Variants in C9orf43 observed in about 807,000 individuals in gnomAD.
The protein encoded by C9orf43 is chromosome 9 open reading frame 43.
Under a neutral mutation model 59.1 loss-of-function variants are expected in C9orf43, and 45 were observed. The ratio of observed to expected loss-of-function variants is 0.76; its 90% CI spans 0.60 to 0.98. The LOEUF (loss-of-function observed/expected upper bound fraction) is 0.98, where lower values mean the gene tolerates loss of function less well. Among genes scored for constraint, C9orf43 ranks in the 50% least tolerant of loss-of-function variants. The pLI, the probability that C9orf43 is intolerant of heterozygous loss-of-function variation, is 0.00. For missense variants in C9orf43, 533 were observed against 554.9 expected (o/e 0.96, Z 0.40); for synonymous variants, 203 against 196.8 (o/e 1.03, Z -0.26).
chr9:113,413,408 A>G, intron 1 of C9orf43, 37 bp from the exon 2 acceptor site: 1 of 1,516,396 alleles, frequency 6.6e-7, no homozygotes, highest in African/African-American at 1.4e-5. Flanking sequence ...TGGCTAATGT[A>G]TAATACTCCC....
At chr9:113,411,556 C>T (rs1489771292) in intron 1 of C9orf43, among the ~76,000 whole-genome samples, 2 of 152,178 alleles carry the variant, frequency 1.3e-5, no homozygotes, top group African/African-American at 2.4e-5. Flanking sequence ...GCCTCGGTCT[C>T]CCAAAGTGCA....
rs552179225 is a variant in C9orf43, at chr9:113,414,478, T to G, written c.287+584T>G. On this transcript the variant is annotated intron_variant, in intron 3 of 13. Coordinates refer to ENST00000374165, the MANE Select transcript of C9orf43 (RefSeq NM_001278629.2). ...TTTTTTACTTTTATTAGAGACGAGGTCTTGCTTTGTTGCCTGGGCCGGTCT... is the reference window on the plus strand; with the variant it reads ...TTTTTTACTTTTATTAGAGACGAGGGCTTGCTTTGTTGCCTGGGCCGGTCT... 5.3e-5 allele frequency among the ~76,000 whole-genome samples: 8 copies of G among 150,692 alleles called. No homozygotes were observed. The South Asian group carries it at 1.7e-3, about 32-fold the overall frequency.
chr9:113,419,591 A>G (rs1828493777), intron 4 of C9orf43, among the ~76,000 whole-genome samples: 2 of 152,238 alleles, frequency 1.3e-5, no homozygotes, highest in South Asian at 4.2e-4. Context: ...CAACAAAAAT[A>G]CCATGGAACA....
rs371811171 is a variant in C9orf43, at chr9:113,422,606, C to A, written c.483+21C>A. 2.2e-5 allele frequency: 35 copies of A among 1,613,602 alleles called. No homozygotes were observed. The African/African-American group carries it at 4.3e-4, about 20-fold the overall frequency. On this transcript the variant is annotated intron_variant, in intron 6 of 13. Coordinates refer to ENST00000374165, the MANE Select transcript of C9orf43 (RefSeq NM_001278629.2). ...CAGTGGTGAGTTTGATGTTTTTGTG[C>A]AAACCTTTATAATATTGCTATGTAG... is the stretch of plus-strand genomic sequence containing the variant.
At position 113,413,593 on chromosome 9, in the gene C9orf43, G is replaced by C. The variant is rs892765376; in HGVS notation, c.100G>C (p.Gly34Arg). The C allele has an allele frequency of 1.1e-5, 18 of 1,614,076 alleles. No homozygotes were observed. In the East Asian group the frequency reaches 1.8e-4, roughly 16 times the overall value. ...CWATIRRIER[G>R]HPRILGSSCK... is the part of the protein sequence containing the mutation. ...GGCAACTATCCGCCGCATTGAGAGG[G>C]GCCATCCTCGAATCCTCGGCTCATC... The change falls in exon 2 of 14, where the codon GGC becomes CGC. Residue 34 changes from glycine (G) to arginine (R), a missense_variant. Coordinates refer to ENST00000374165, the MANE Select transcript of C9orf43 (RefSeq NM_001278629.2).
chr9:113,415,875 C>T (rs953148374), intron 3 of C9orf43, among the ~76,000 whole-genome samples: 2 of 152,196 alleles, frequency 1.3e-5, no homozygotes, highest in African/African-American at 4.8e-5. Flanking sequence ...AATGATTTCT[C>T]TTTGGCTAAC....
At chr9:113,423,079 G>T (rs1345221479) in intron 6 of C9orf43, among the ~76,000 whole-genome samples, 1 of 152,140 alleles carries the variant, frequency 6.6e-6, no homozygotes. Flanking sequence ...TTTTTGTTCA[G>T]TTTGTTGAGT....
At chr9:113,424,434 C>T (rs1355472060) in intron 8 of C9orf43, 118 bp downstream of exon 8, 1 of 1,106,382 alleles carries the variant, frequency 9.0e-7, no homozygotes, top group East Asian at 2.5e-5. Flanking sequence ...CCACTCTGAA[C>T]CCATGCCCCA....
At chr9:113,424,764 G>A (rs1204680077) in intron 8 of C9orf43, among the ~76,000 whole-genome samples, 1 of 152,042 alleles carries the variant, frequency 6.6e-6, no homozygotes, top group East Asian at 1.9e-4. Flanking sequence ...GAGCTCAGGT[G>A]ATCTGCCCAC....
intron 3 of C9orf43, among the ~76,000 whole-genome samples, chr9:113,416,208 A>G (rs117674927): frequency 1.8e-4 from 27 of 152,280 alleles, no homozygotes; most frequent in Non-Finnish European, 3.1e-4. Context: ...CCTCGAAGCT[A>G]TTTTACATAT....
chr9:113,426,059 T>C (rs1004694654), intron 11 of C9orf43, among the ~76,000 whole-genome samples: 1 of 152,270 alleles, frequency 6.6e-6, no homozygotes, highest in African/African-American at 2.4e-5. Flanking sequence ...CCCAGGTTAC[T>C]GAAGAGAAAA....
rs1828738450 is a variant in C9orf43 at position 113,425,086 on chromosome 9, CT to C, written c.865+11del. ...AACCTGAAGACAGAAGGTAGATTTG[CT>C]GTTGCTGCTGGATCTCTAAGCACCA... On this transcript the variant is annotated intron_variant, in intron 9 of 13. Transcript: ENST00000374165. 1.2e-6 allele frequency: 2 copies of C among 1,612,144 alleles called. No individual in the cohort carries two copies. Among genetic ancestry groups the C allele is most frequent in the South Asian group, 2.2e-5 (2 of 91,040 alleles).
At chr9:113,418,340 G>A (rs559450429) in intron 3 of C9orf43, among the ~76,000 whole-genome samples, 7 of 152,154 alleles carry the variant, frequency 4.6e-5, no homozygotes, top group Admixed American at 1.3e-4. Context: ...TTTGTGTCTG[G>A]CTTATTTCAC....
At chr9:113,425,142 T>C (rs1828740380) in intron 9 of C9orf43, 66 bp downstream of exon 9, 17 of 1,526,270 alleles carry the variant, frequency 1.1e-5, no homozygotes, top group South Asian at 3.4e-5. Flanking sequence ...TCTCATACTT[T>C]AACGTGGTCC....
chr9:113,411,778 A>G (rs879420423), intron 1 of C9orf43, among the ~76,000 whole-genome samples: 27 of 152,240 alleles, frequency 1.8e-4, no homozygotes, highest in Admixed American at 3.9e-4. Context: ...TCCCTGGCTC[A>G]GGTGGTCCTC....
chr9:113,422,734 C>A, intron 6 of C9orf43, 149 bp downstream of exon 6: 4 of 877,372 alleles, frequency 4.6e-6, no homozygotes, highest in Non-Finnish European at 6.8e-6. Context: ...AATAATTAAC[C>A]AAACCATTCT....
chr9:113,419,076 T>C, intron 3 of C9orf43, 32 bp from the exon 4 acceptor site: 1 of 1,569,202 alleles, frequency 6.4e-7, no homozygotes, highest in Non-Finnish European at 8.7e-7. Flanking sequence ...GTCTTTTGTA[T>C]TTCTGTTTTA....
rs772767522 is a variant in C9orf43, at chr9:113,421,140, G to T, written c.383G>T (p.Cys128Phe). The T allele has an allele frequency of 5.6e-6, 9 of 1,613,610 alleles. No individual in the cohort carries two copies. The East Asian group carries it at 1.8e-4, about 32-fold the overall frequency. The change falls in exon 5 of 14, where the codon TGC becomes TTC. Residue 128 changes from cysteine to phenylalanine, a missense_variant. By Grantham distance (205) the Cys-to-Phe change is radical. Coordinates refer to ENST00000374165, the MANE Select transcript of C9orf43 (RefSeq NM_001278629.2). Reference sequence around the variant, plus strand: ...AATTTGAATGAGACGCAACTTCCCTGCCCTGAAGATGTTAGAAATATGGTT... The same window carrying T: ...AATTTGAATGAGACGCAACTTCCCTTCCCTGAAGATGTTAGAAATATGGTT... The part of the protein sequence containing the change: ...VLNLNETQLP[C>F]PEDVRNMVVL...
intron 4 of C9orf43, chr9:113,420,860 T>TA (rs1386491607): frequency 1.2e-6 from 1 of 832,208 alleles, no homozygotes; most frequent in Non-Finnish European, 1.4e-6. Flanking sequence ...TGCTAAATGC[T>TA]ACCCTAATGG....
Sources: gnomAD v4.1 joint callset for allele counts (sites outside exome capture counted in the v4.1 genomes callset) on GRCh38, gnomAD v4.1.1 for gene constraint, MANE v1.5 for transcripts, NCBI Gene and HGNC (gene_info 2026-07-23, HGNC 2026-07-21) for gene names.